SPTBN1: variants seen among roughly 807,000 people sequenced by gnomAD.
SPTBN1 encodes the protein spectrin beta, non-erythrocytic 1.
In SPTBN1, 32 loss-of-function variants were observed where a neutral mutation model predicts 266.4. The observed-to-expected ratio is 0.12, with a 90% confidence interval of 0.09 to 0.16. The LOEUF (loss-of-function observed/expected upper bound fraction) is 0.16, where lower values mean the gene tolerates loss of function less well. SPTBN1 is among the 10% of genes least tolerant of loss of function. The pLI, the probability that SPTBN1 is intolerant of heterozygous loss-of-function variation, is 1.00. For synonymous variants in SPTBN1, 1,336 were observed against 1,162.2 expected, an observed-to-expected ratio of 1.15 and a Z score of -3.04; for missense variants, 2,296 against 3,067.1, an observed-to-expected ratio of 0.75 and a Z score of 5.94.
intron 2 of SPTBN1, among the ~76,000 whole-genome samples, chr2:54,594,635 GAAAA>G (rs888923664): frequency 2.0e-5 from 3 of 151,908 alleles, no homozygotes; most frequent in South Asian, 2.1e-4. Flanking sequence ...TAATAAAAAA[GAAAA>G]AAAGTCATTT....
At chr2:54,637,918 AC>A (rs1325162510) in intron 18 of SPTBN1, 115 bp downstream of exon 18, 12 of 836,390 alleles carry the variant, frequency 1.4e-5, no homozygotes, top group Non-Finnish European at 2.1e-5. Context: ...AATCCATAGC[AC>A]CCATTTGACT....
chr2:54,563,667 G>A (rs189602129), intron 2 of SPTBN1, among the ~76,000 whole-genome samples: 5,524 of 128,074 alleles, frequency 0.043, 146 homozygotes, highest in Admixed American at 0.12. Context: ...GCAGTGGCGC[G>A]ATCTCGGCTC....
intron 32 of SPTBN1, chr2:54,661,790 T>G: frequency 2.0e-6 from 2 of 985,436 alleles, no homozygotes; most frequent in South Asian, 9.4e-5. Flanking sequence ...ACACCCAATT[T>G]GACACTTTTT....
At chr2:54,576,914 C>T (rs760800811) in intron 2 of SPTBN1, among the ~76,000 whole-genome samples, 5 of 152,106 alleles carry the variant, frequency 3.3e-5, no homozygotes, top group Non-Finnish European at 7.3e-5. Context: ...GAGGAATTGA[C>T]ATTGATTGCA....
intron 2 of SPTBN1, among the ~76,000 whole-genome samples, chr2:54,564,218 T>C (rs1673518048): frequency 6.6e-6 from 1 of 152,222 alleles, no homozygotes; most frequent in African/African-American, 2.4e-5. Context: ...TTAAAAGGAT[T>C]CTTGGAGGCT....
rs780124847 is a variant in SPTBN1, at chr2:54,630,874, C to A, written c.2827C>A (p.Leu943Met). The change falls in exon 16 of 36, where the codon CTG becomes ATG. Residue 943 changes from leucine to methionine, a missense_variant. Transcript: ENST00000356805. ...TCACAGGTGGAGCCAGTTCAGAGAA[C>A]TGGTTGACAGGAAGAAGGATGCCCT... ...LNTRWSQFRE[L>M]VDRKKDALLS... 6 of 1,595,584 alleles carry A rather than the reference C, an allele frequency of 3.8e-6. No individual in the cohort carries two copies. Among genetic ancestry groups the A allele is most frequent in the Non-Finnish European group, 5.1e-6 (6 of 1,169,282 alleles).
chr2:54,648,858 A>T, intron 24 of SPTBN1, 128 bp from the exon 25 acceptor site: 1 of 920,222 alleles, frequency 1.1e-6, no homozygotes, highest in Non-Finnish European at 1.6e-6. Context: ...TAAGTGGGTT[A>T]ACCAGAGTTT....
intron 17 of SPTBN1, among the ~76,000 whole-genome samples, 183 bp downstream of exon 17, chr2:54,632,951 G>A (rs1678853793): frequency 6.6e-6 from 1 of 152,200 alleles, no homozygotes; most frequent in Non-Finnish European, 1.5e-5. Flanking sequence ...GCCTGAGAAT[G>A]TGGGTCTGGT....
At chr2:54,530,708 C>T (rs1171568027) in intron 2 of SPTBN1, among the ~76,000 whole-genome samples, 1 of 152,116 alleles carries the variant, frequency 6.6e-6, no homozygotes, top group Non-Finnish European at 1.5e-5. Context: ...ATCTTATTCA[C>T]CCTCAGGAAT....
intron 2 of SPTBN1, among the ~76,000 whole-genome samples, chr2:54,594,328 G>GA (rs1005061890): frequency 1.0e-4 from 15 of 149,626 alleles, no homozygotes; most frequent in South Asian, 4.2e-4. Flanking sequence ...GAAAATATTT[G>GA]AAAAAAAAAT....
At chr2:54,489,749 T>C (rs1668590107) in intron 1 of SPTBN1, among the ~76,000 whole-genome samples, 1 of 152,198 alleles carries the variant, frequency 6.6e-6, no homozygotes, top group South Asian at 2.1e-4. Context: ...TGATGACAGT[T>C]GCAGATGATT....
chr2:54,621,378 C>T (rs1254922482), intron 7 of SPTBN1, 22 bp from the exon 8 acceptor site: 2 of 1,594,906 alleles, frequency 1.3e-6, no homozygotes, highest in Non-Finnish European at 1.7e-6. Context: ...ACACACTGAA[C>T]AGAGTCTTCT....
chr2:54,653,523 GTA>G lies in SPTBN1; in HGVS notation c.5578-84_5578-83del. The G allele has an allele frequency of 6.5e-7, 1 of 1,545,888 alleles. No individual in the cohort carries two copies. Among genetic ancestry groups the G allele is most frequent in the Non-Finnish European group, 8.7e-7 (1 of 1,154,066 alleles). Reference sequence around the variant, plus strand: ...ATTTTGACTCTGTGCTCCCTTTAGTGTATGAGCAGAACAGAATAGGGCTTGGG... The same window carrying G: ...ATTTTGACTCTGTGCTCCCTTTAGTGTGAGCAGAACAGAATAGGGCTTGGG... On this transcript the variant is annotated intron_variant, in intron 26 of 35. Coordinates refer to ENST00000356805, the MANE Select transcript of SPTBN1 (RefSeq NM_003128.3). This position sits in a 1 kb window ranked among gnomAD's most constrained non-coding sequence, Gnocchi z 5.1.
chr2:54,564,040 G>C (rs1295004440), intron 2 of SPTBN1, among the ~76,000 whole-genome samples: 1 of 152,186 alleles, frequency 6.6e-6, no homozygotes, highest in South Asian at 2.1e-4. Context: ...GTGGATCATG[G>C]CGCCCAAATA....
chr2:54,660,312 T>A (rs935848496), intron 32 of SPTBN1: 1 of 1,300,258 alleles, frequency 7.7e-7, no homozygotes. Flanking sequence ...CTTTTTACTT[T>A]ATTAAGATTT....
intron 24 of SPTBN1, among the ~76,000 whole-genome samples, chr2:54,648,226 T>C (rs1025653932): frequency 1.3e-5 from 2 of 152,192 alleles, no homozygotes; most frequent in South Asian, 2.1e-4. Context: ...ATGAGGTCAG[T>C]GGCTCTGTTG....
At position 54,498,239 on chromosome 2, in the gene SPTBN1, A is replaced by C. The variant is rs564260549; in HGVS notation, c.-47-28133A>C. 1.8e-4 allele frequency among the ~76,000 whole-genome samples: 27 copies of C among 152,362 alleles called. No individual in the cohort carries two copies. The East Asian group carries it at 2.3e-3, about 13-fold the overall frequency. ...CCACTGGGTGGAGCATGACCAGTGC[A>C]TTCACAAGACGGGAATGTTCGGTAG... On this transcript the variant is annotated intron_variant, in intron 1 of 35. Transcript: ENST00000356805.
At chr2:54,606,661 T>C (rs1436104392) in intron 3 of SPTBN1, among the ~76,000 whole-genome samples, 1 of 152,196 alleles carries the variant, frequency 6.6e-6, no homozygotes, top group African/African-American at 2.4e-5. Flanking sequence ...TGAGAAATGA[T>C]AGCTGATCCA....
At chr2:54,650,226 A>C (rs770253420) in intron 26 of SPTBN1, among the ~76,000 whole-genome samples, 1 of 152,190 alleles carries the variant, frequency 6.6e-6, no homozygotes, top group Admixed American at 6.5e-5. Context: ...AAATAAATAA[A>C]CCAGATGCAT....
Sources: gnomAD v4.1 joint callset for allele counts (sites outside exome capture counted in the v4.1 genomes callset) on GRCh38, gnomAD v4.1.1 for gene constraint, Gnocchi (gnomAD v3.1) non-coding constraint, MANE v1.5 for transcripts, NCBI Gene and HGNC (gene_info 2026-07-23, HGNC 2026-07-21) for gene names.